Variants in PREPL observed in about 807,000 individuals in gnomAD.
PREPL encodes the protein prolyl endopeptidase like, also known as prolyl endopeptidase-like.
A neutral mutation model predicts 70.6 loss-of-function variants in PREPL; 77 were observed. The ratio of observed to expected loss-of-function variants is 1.09; its 90% CI spans 0.91 to 1.32. The LOEUF (loss-of-function observed/expected upper bound fraction) is 1.32, where lower values mean the gene tolerates loss of function less well. Ranked by LOEUF, PREPL falls within the 40% of genes most tolerant of loss-of-function variation. The pLI is 0.00. For synonymous variants in PREPL, 315 were observed against 264.8 expected (o/e 1.19, Z -1.84); for missense variants, 1,002 against 778.2 (o/e 1.29, Z -3.42).
At position 44,351,315 on chromosome 2, in the gene PREPL, T is replaced by C. The variant is rs563903583; in HGVS notation, c.-48-4925A>G. 4.6e-5 allele frequency among the ~76,000 whole-genome samples: 7 copies of C among 152,220 alleles called. No individual in the cohort carries two copies. The South Asian group carries it at 1.5e-3, about 32-fold the overall frequency. ...TCTTTGCAGTCTGCACTAATTCCCT[T>C]GGTGATCTCATCCAGTCATGACCTT... On this transcript the variant is annotated intron_variant, in intron 1 of 13. Coordinates refer to ENST00000409411, the MANE Select transcript of PREPL (RefSeq NM_001171613.2).
chr2:44,331,688 T>G (rs559851041), intron 8 of PREPL, among the ~76,000 whole-genome samples: 1 of 152,290 alleles, frequency 6.6e-6, no homozygotes, highest in East Asian at 1.9e-4. Context: ...TGCTCTATGC[T>G]CCCACTGTAC....
At chr2:44,346,122 T>C (rs1347860034) in intron 2 of PREPL, 146 bp downstream of exon 2, 6 of 653,248 alleles carry the variant, frequency 9.2e-6, no homozygotes, top group Non-Finnish European at 1.5e-5. Flanking sequence ...CTCTGAAATC[T>C]TTGCTTTTTA....
chr2:44,339,444 G>A lies in PREPL; in HGVS notation c.486-81C>T, dbSNP rs1674982138. On this transcript the variant is annotated intron_variant, in intron 5 of 13. Transcript: ENST00000409411. ...TGTTAAGGACAGTATCTCAGAGGTG[G>A]TCAGTATACATGTTGATTTATAATG... 3.9e-6 allele frequency: 6 copies of A among 1,554,202 alleles called. No individual in the cohort carries two copies. The East Asian group carries it at 1.4e-4, about 37-fold the overall frequency.
chr2:44,318,160 G>A lies in PREPL; in HGVS notation c.*3196C>T, dbSNP rs1039103585. 6.9e-6 allele frequency: 3 copies of A among 432,574 alleles called. No individual in the cohort carries two copies. Among genetic ancestry groups the A allele is most frequent in the Non-Finnish European group, 1.4e-5 (3 of 216,114 alleles). 26.8% of individuals were successfully genotyped at this position (432,574 alleles called of 1,614,324 possible). A position where few individuals can be genotyped will look rare whatever the true frequency, so the allele number is the denominator to read the frequency against. On this transcript the variant is annotated 3_prime_UTR_variant, in exon 14 of 14. Coordinates refer to ENST00000409411, the MANE Select transcript of PREPL (RefSeq NM_001171613.2). ...TGCTCGAGTGCAGTGGCGTGATCTC[G>A]GCACACTGCAGCCTCTGCTTCCTGG... is the stretch of plus-strand genomic sequence containing the variant.
chr2:44,329,967 A>C (rs1028513119), intron 8 of PREPL, among the ~76,000 whole-genome samples: 2 of 152,228 alleles, frequency 1.3e-5, no homozygotes, highest in African/African-American at 4.8e-5. Flanking sequence ...GTCACTCTTC[A>C]TATTTTCATT....
At chr2:44,321,584 A>T in intron 13 of PREPL, 139 bp from the exon 14 acceptor site, 1 of 1,490,554 alleles carries the variant, frequency 6.7e-7, no homozygotes, top group Non-Finnish European at 8.9e-7. Context: ...TTCGAGAGAG[A>T]GGCAGAAGGC....
In PREPL at chr2:44,320,552, T is replaced by A. The variant is rs780297364; in HGVS notation, c.*804A>T. ...AACACAACACGAAGAATCTCCTTCATCGCCAAACAGCTTTCAGAGATAGAT... is the reference window on the plus strand; with the variant it reads ...AACACAACACGAAGAATCTCCTTCAACGCCAAACAGCTTTCAGAGATAGAT... On this transcript the variant is annotated 3_prime_UTR_variant, in exon 14 of 14. Coordinates refer to ENST00000409411, the MANE Select transcript of PREPL (RefSeq NM_001171613.2). The A allele has an allele frequency of 6.2e-7, 1 of 1,614,062 alleles. No individual in the cohort carries two copies. Among genetic ancestry groups the A allele is most frequent in the Non-Finnish European group, 8.5e-7 (1 of 1,179,938 alleles).
intron 10 of PREPL, among the ~76,000 whole-genome samples, chr2:44,323,956 T>TA (rs1389639906): frequency 6.6e-6 from 1 of 152,186 alleles, no homozygotes. Flanking sequence ...AGCAGGGTCT[T>TA]AAAGAGATCT....
rs111858551 is a variant in PREPL at position 44,342,706 on chromosome 2, G to C, written c.350-154C>G. On this transcript the variant is annotated intron_variant, in intron 4 of 13. Transcript: ENST00000409411. ...TATTTGACTGTATCTAATCTGTGCTGTATATAAGCCAGAGAGCTTTCCTGA... is the reference window on the plus strand; with the variant it reads ...TATTTGACTGTATCTAATCTGTGCTCTATATAAGCCAGAGAGCTTTCCTGA... Among the ~76,000 whole-genome samples, 327 of 151,676 alleles carry C rather than the reference G, an allele frequency of 2.2e-3. No homozygotes were observed. The Middle Eastern group carries it at 0.028, about 13-fold the overall frequency.
chr2:44,332,104 G>A (rs546483412), intron 8 of PREPL, among the ~76,000 whole-genome samples: 6 of 152,050 alleles, frequency 3.9e-5, no homozygotes, highest in East Asian at 3.9e-4. Flanking sequence ...CCGCCACCAT[G>A]CCCAGCTAAT....
chr2:44,351,800 C>T (rs1676471217), intron 1 of PREPL, among the ~76,000 whole-genome samples: 1 of 152,150 alleles, frequency 6.6e-6, no homozygotes, highest in African/African-American at 2.4e-5. Context: ...CTGCGCTTGC[C>T]TCCTGGTCTA....
chr2:44,331,532 T>C (rs1674091095), intron 8 of PREPL, among the ~76,000 whole-genome samples: 1 of 152,072 alleles, frequency 6.6e-6, no homozygotes, highest in African/African-American at 2.4e-5. Context: ...AATTGTATAA[T>C]TTCTCCCCAA....
chr2:44,318,223 TG>T lies in PREPL; in HGVS notation c.*3132del. The T allele has an allele frequency of 2.6e-6, 1 of 377,996 alleles. No homozygotes were observed. The highest frequency in any genetic ancestry group is 5.2e-6 in the Non-Finnish European group (1 of 190,740). The allele number at this position is 377,996 out of a possible 1,614,324, so 23.4% of individuals were successfully genotyped here. ...CTCCTGCTGCAGCCTCCCAAGTAGCTGGGATTACAGGTGCACGTCATTATGC... is the reference window on the plus strand; with the variant it reads ...CTCCTGCTGCAGCCTCCCAAGTAGCTGGATTACAGGTGCACGTCATTATGC... On this transcript the variant is annotated 3_prime_UTR_variant, in exon 14 of 14. Transcript: ENST00000409411.
intron 1 of PREPL, among the ~76,000 whole-genome samples, chr2:44,352,301 C>T (rs1017122216): frequency 1.3e-5 from 2 of 152,042 alleles, no homozygotes; most frequent in African/African-American, 4.8e-5. Context: ...TTGCTTGTGT[C>T]CACCTCAGCT....
intron 1 of PREPL, among the ~76,000 whole-genome samples, chr2:44,346,926 A>G (rs1424497360): frequency 2.0e-5 from 3 of 152,132 alleles, no homozygotes; most frequent in African/African-American, 7.2e-5. Context: ...ATTAACTATA[A>G]TTTTTTACTT....
rs113850456 is a variant in PREPL, at chr2:44,322,869, A to G, written c.1630-15T>C. ...GAAGGATAATGCTGAAAGAAAATAC[A>G]TGCACGAAGAGTTTACATTATTTCT... is the stretch of plus-strand genomic sequence containing the variant. On this transcript the variant is annotated splice_polypyrimidine_tract_variant and intron_variant, in intron 11 of 13. Transcript: ENST00000409411. 1.7e-3 allele frequency: 2,715 copies of G among 1,612,018 alleles called. 14 individuals are homozygous for G. The African/African-American group carries it at 0.017, about 10-fold the overall frequency.
intron 1 of PREPL, among the ~76,000 whole-genome samples, chr2:44,353,647 G>C (rs902713380): frequency 6.6e-6 from 1 of 151,610 alleles, no homozygotes. Context: ...TAAATGTGTA[G>C]TACTGGCATA....
At chr2:44,350,754 T>G (rs1676329713) in intron 1 of PREPL, among the ~76,000 whole-genome samples, 1 of 152,228 alleles carries the variant, frequency 6.6e-6, no homozygotes, top group Non-Finnish European at 1.5e-5. Context: ...TCAAGGTCAC[T>G]CAATGGCTAC....
intron 1 of PREPL, among the ~76,000 whole-genome samples, chr2:44,354,324 G>A (rs1446241319): frequency 6.6e-6 from 1 of 152,126 alleles, no homozygotes; most frequent in African/African-American, 2.4e-5. Context: ...CTACAATGTG[G>A]CAGTCGTTAT....
Sources: allele counts gnomAD v4.1 joint callset (sites outside exome capture counted in the v4.1 genomes callset), GRCh38; gene constraint gnomAD v4.1.1; transcripts MANE v1.5; gene names NCBI Gene and HGNC (gene_info 2026-07-23, HGNC 2026-07-21).